Variants in HAUS1 observed in about 807,000 individuals in gnomAD.
HAUS1 encodes the protein HAUS augmin like complex subunit 1.
HAUS1 carries 25 observed loss-of-function variants against 38.6 expected under a neutral mutation model. That is an observed-to-expected ratio of 0.65 (90% CI 0.47 to 0.91). The LOEUF is 0.91. HAUS1 is among the 40% of genes least tolerant of loss of function. The pLI, the probability that HAUS1 is intolerant of heterozygous loss-of-function variation, is 0.00. For synonymous variants in HAUS1, 109 were observed against 112.9 expected (o/e 0.97, Z 0.22); for missense variants, 325 against 328.4 (o/e 0.99, Z 0.08).
chr18:46,120,079 A>G lies in HAUS1; in HGVS notation c.476+19A>G, dbSNP rs1215281840. On this transcript the variant is annotated intron_variant, in intron 4 of 8. Coordinates refer to ENST00000282058, the MANE Select transcript of HAUS1 (RefSeq NM_138443.4). ...TACAAGAGTAAGTAATTGAGTTCAGAGTGGTGACAATTTATAAATAAGGGA... is the reference window on the plus strand; with the variant it reads ...TACAAGAGTAAGTAATTGAGTTCAGGGTGGTGACAATTTATAAATAAGGGA... 3.2e-6 allele frequency: 5 copies of G among 1,541,920 alleles called. No homozygotes were observed. In the South Asian group the frequency reaches 6.1e-5, roughly 19 times the overall value.
chr18:46,125,215 G>A (rs952638671), intron 7 of HAUS1, among the ~76,000 whole-genome samples: 1 of 151,590 alleles, frequency 6.6e-6, no homozygotes, highest in Non-Finnish European at 1.5e-5. Context: ...AGCTAAGATC[G>A]TGCCACCACA....
chr18:46,110,050 CT>C (rs1279272448), intron 2 of HAUS1, among the ~76,000 whole-genome samples: 1 of 151,326 alleles, frequency 6.6e-6, no homozygotes, highest in African/African-American at 2.4e-5. Context: ...CCATTTGGGG[CT>C]ATTTGATTTC....
At chr18:46,104,713 A>C (rs1234661992) in intron 1 of HAUS1, among the ~76,000 whole-genome samples, 1 of 152,062 alleles carries the variant, frequency 6.6e-6, no homozygotes, top group East Asian at 1.9e-4. Flanking sequence ...AGTGGGACTT[A>C]TGAAGCCAAA....
At chr18:46,114,882 C>T (rs1276612571) in intron 2 of HAUS1, among the ~76,000 whole-genome samples, 1 of 152,136 alleles carries the variant, frequency 6.6e-6, no homozygotes, top group Non-Finnish European at 1.5e-5. Flanking sequence ...GTTGTTTCTT[C>T]ATTTGCTGTG....
intron 2 of HAUS1, among the ~76,000 whole-genome samples, chr18:46,113,649 T>G (rs6507664): frequency 0.58 from 87,754 of 151,912 alleles, 25,646 homozygotes; most frequent in African/African-American, 0.67. Context: ...GCCAACATCT[T>G]GTCATTCTCA....
chr18:46,127,449 G>A (rs1407804796), intron 8 of HAUS1, among the ~76,000 whole-genome samples: 1 of 149,592 alleles, frequency 6.7e-6, no homozygotes, highest in East Asian at 2.1e-4. Context: ...GCTCACACCT[G>A]TAATCCCAGC....
chr18:46,114,287 G>A (rs1911747036), intron 2 of HAUS1, among the ~76,000 whole-genome samples: 1 of 152,216 alleles, frequency 6.6e-6, no homozygotes. Context: ...TGTTGCAAAT[G>A]TAGTCAGTTC....
At chr18:46,104,532 T>C (rs1911399034) in intron 1 of HAUS1, 91 bp downstream of exon 1, 18 of 1,076,164 alleles carry the variant, frequency 1.7e-5, no homozygotes, top group Non-Finnish European at 2.3e-5. Context: ...GCGCGCCACG[T>C]CTACTTTTCT....
intron 2 of HAUS1, among the ~76,000 whole-genome samples, chr18:46,108,528 A>G (rs1568261978): frequency 6.6e-6 from 1 of 152,038 alleles, no homozygotes; most frequent in Non-Finnish European, 1.5e-5. Flanking sequence ...AAGTTAGGTT[A>G]TTGATTTGAG....
intron 4 of HAUS1, 22 bp from the exon 5 acceptor site, chr18:46,122,444 GT>G (rs761986615): frequency 6.2e-7 from 1 of 1,608,792 alleles, no homozygotes; most frequent in South Asian, 1.1e-5. Context: ...AGAAGAAAAT[GT>G]TTTTAATTTT....
intron 3 of HAUS1, among the ~76,000 whole-genome samples, chr18:46,118,697 T>C (rs1911857319): frequency 6.6e-6 from 1 of 152,170 alleles, no homozygotes; most frequent in Non-Finnish European, 1.5e-5. Context: ...AACAGGCATT[T>C]TACTTATATA....
At chr18:46,125,625 G>T in intron 7 of HAUS1, 119 bp from the exon 8 acceptor site, 1 of 636,806 alleles carries the variant, frequency 1.6e-6, no homozygotes, top group Non-Finnish European at 2.8e-6. Context: ...AGTGTTATAT[G>T]TACATTGGGT....
chr18:46,122,793 C>T (rs1911981559), intron 5 of HAUS1, among the ~76,000 whole-genome samples: 1 of 152,200 alleles, frequency 6.6e-6, no homozygotes, highest in Non-Finnish European at 1.5e-5. Context: ...AGGCCTTACA[C>T]ACTGCACCCA....
At chr18:46,104,826 G>A (rs1911413357) in intron 1 of HAUS1, among the ~76,000 whole-genome samples, 1 of 152,200 alleles carries the variant, frequency 6.6e-6, no homozygotes, top group East Asian at 1.9e-4. Context: ...CGGGGCTTCT[G>A]GTGATCGAGG....
intron 2 of HAUS1, among the ~76,000 whole-genome samples, chr18:46,117,876 G>A (rs1911836812): frequency 6.6e-6 from 1 of 151,936 alleles, no homozygotes. Flanking sequence ...AACCCGGGGG[G>A]TGGAGGTTGC....
chr18:46,116,963 C>A (rs550698308), intron 2 of HAUS1, among the ~76,000 whole-genome samples: 1 of 152,252 alleles, frequency 6.6e-6, no homozygotes, highest in Admixed American at 6.5e-5. Flanking sequence ...CAGAGTGAGA[C>A]CCTGTCTCAA....
chr18:46,108,142 A>C (rs72903454), intron 2 of HAUS1, among the ~76,000 whole-genome samples: 10,252 of 152,212 alleles, frequency 0.067, 455 homozygotes, highest in African/African-American at 0.13. Flanking sequence ...GTTGGATAGA[A>C]TTGGCAAATA....
At chr18:46,112,998 A>ATATATATTCCATAT (rs1568263599) in intron 2 of HAUS1, among the ~76,000 whole-genome samples, 4 of 69,682 alleles carry the variant, frequency 5.7e-5, no homozygotes, top group Non-Finnish European at 2.6e-5. Context: ...TATATATTCC[A>ATATATATTCCATAT]TATATATGGA....
intron 5 of HAUS1, among the ~76,000 whole-genome samples, chr18:46,122,994 G>A (rs1003542072): frequency 1.3e-5 from 2 of 152,152 alleles, no homozygotes; most frequent in Non-Finnish European, 2.9e-5. Flanking sequence ...GGCGGATCAT[G>A]AGGTCAGGAG....
Sources: gnomAD v4.1 joint callset for allele counts (sites outside exome capture counted in the v4.1 genomes callset) on GRCh38, gnomAD v4.1.1 for gene constraint, MANE v1.5 for transcripts, NCBI Gene and HGNC (gene_info 2026-07-23, HGNC 2026-07-21) for gene names.